Variants in GTF2F2 observed in about 807,000 individuals in gnomAD.
GTF2F2 encodes the protein ATP-dependent helicase GTF2F2.
In GTF2F2, 23 loss-of-function variants were observed where a neutral mutation model predicts 42.2. That is an observed-to-expected ratio of 0.55 (90% CI 0.39 to 0.77). GTF2F2 has a LOEUF of 0.77. Ranked by LOEUF, GTF2F2 falls within the 30% of genes least tolerant of loss-of-function variation. GTF2F2 has a pLI of 0.00. For synonymous variants in GTF2F2, 105 were observed against 100.8 expected (o/e 1.04, Z -0.25); for missense variants, 261 against 287.2 (o/e 0.91, Z 0.66).
chr13:45,230,221 A>T (rs1395914242), intron 5 of GTF2F2, among the ~76,000 whole-genome samples: 4 of 143,464 alleles, frequency 2.8e-5, no homozygotes, highest in Non-Finnish European at 4.5e-5. Flanking sequence ...ATCTCAAAAT[A>T]AAAAAAAAAA....
intron 5 of GTF2F2, among the ~76,000 whole-genome samples, chr13:45,214,057 G>A (rs1239975974): frequency 2.0e-5 from 3 of 151,668 alleles, no homozygotes; most frequent in African/African-American, 4.8e-5. Flanking sequence ...AGTTTTTACT[G>A]TATTATATTT....
At chr13:45,249,690 C>T (rs751006741) in intron 5 of GTF2F2, among the ~76,000 whole-genome samples, 6 of 152,166 alleles carry the variant, frequency 3.9e-5, no homozygotes, top group African/African-American at 1.2e-4. Context: ...GTGCATGCCT[C>T]CTTCCTTGGA....
At position 45,120,549 on chromosome 13, in the gene GTF2F2, C is replaced by G; in HGVS notation, c.-107C>G. 1 of 765,550 alleles carries G rather than the reference C, an allele frequency of 1.3e-6. No individual in the cohort carries two copies. Among genetic ancestry groups the G allele is most frequent in the South Asian group, 1.6e-5 (1 of 63,162 alleles). The allele number at this position is 765,550 out of a possible 1,614,324, so 47.4% of individuals were successfully genotyped here. ...TTCTGGCAGGTAAGGAACGCCGGCT[C>G]TTCGCCTCTCAGCGCGGCTTGTCCT... On this transcript the variant is annotated 5_prime_UTR_variant, in exon 1 of 8. Coordinates refer to ENST00000340473, the MANE Select transcript of GTF2F2 (RefSeq NM_004128.3).
chr13:45,154,351 T>A (rs1870650317), intron 4 of GTF2F2, among the ~76,000 whole-genome samples: 1 of 152,240 alleles, frequency 6.6e-6, no homozygotes. Flanking sequence ...TTAAAAATAC[T>A]TCAGTGTTGT....
intron 5 of GTF2F2, among the ~76,000 whole-genome samples, chr13:45,228,892 A>G (rs1299745298): frequency 6.6e-6 from 1 of 152,038 alleles, no homozygotes; most frequent in African/African-American, 2.4e-5. Flanking sequence ...TTGGTCTCGA[A>G]CTTCCAGCCT....
At chr13:45,136,010 C>T (rs967776372) in intron 1 of GTF2F2, among the ~76,000 whole-genome samples, 4 of 152,174 alleles carry the variant, frequency 2.6e-5, no homozygotes, top group African/African-American at 9.7e-5. Flanking sequence ...TGCATGTATC[C>T]AGTTACAACA....
intron 6 of GTF2F2, among the ~76,000 whole-genome samples, chr13:45,255,059 C>T (rs1270069674): frequency 6.8e-6 from 1 of 147,986 alleles, no homozygotes; most frequent in African/African-American, 2.5e-5. Context: ...TCCAGCCACT[C>T]GGGAGGTGAG....
intron 7 of GTF2F2, among the ~76,000 whole-genome samples, chr13:45,279,024 A>G (rs551989023): frequency 5.9e-5 from 9 of 151,904 alleles, no homozygotes; most frequent in Admixed American, 4.6e-4. Flanking sequence ...AGGTTTCTCC[A>G]TGTTGGCCGG....
chr13:45,180,148 A>G (rs916885696), intron 4 of GTF2F2, among the ~76,000 whole-genome samples: 5 of 152,204 alleles, frequency 3.3e-5, no homozygotes, highest in South Asian at 2.1e-4. Flanking sequence ...AAAGACTAAC[A>G]TTCCACAACT....
At chr13:45,242,842 T>C (rs984544428) in intron 5 of GTF2F2, among the ~76,000 whole-genome samples, 5 of 152,172 alleles carry the variant, frequency 3.3e-5, no homozygotes, top group Non-Finnish European at 7.4e-5. Context: ...AAATGGAGGA[T>C]TTATTGACTA....
At chr13:45,228,457 C>G (rs527549756) in intron 5 of GTF2F2, among the ~76,000 whole-genome samples, 1 of 147,504 alleles carries the variant, frequency 6.8e-6, no homozygotes, top group East Asian at 2.0e-4. Context: ...TTTCATTTCT[C>G]GAGCAGTACC....
chr13:45,152,134 C>G (rs1870533171), intron 4 of GTF2F2, among the ~76,000 whole-genome samples: 2 of 152,092 alleles, frequency 1.3e-5, no homozygotes, highest in African/African-American at 4.8e-5. Flanking sequence ...AGGCTGGTCT[C>G]TAACTCCCTA....
chr13:45,125,307 T>G (rs372816582), intron 1 of GTF2F2, among the ~76,000 whole-genome samples: 5 of 152,054 alleles, frequency 3.3e-5, no homozygotes, highest in East Asian at 1.9e-4. Flanking sequence ...CTCTCTGTTT[T>G]TTTTTGTTTT....
intron 7 of GTF2F2, among the ~76,000 whole-genome samples, chr13:45,269,025 A>G (rs535233136): frequency 6.6e-6 from 1 of 152,322 alleles, no homozygotes; most frequent in South Asian, 2.1e-4. Context: ...GCAAAAATGT[A>G]TGAATTGTTC....
At chr13:45,182,167 T>A (rs1872195444) in intron 4 of GTF2F2, among the ~76,000 whole-genome samples, 1 of 152,168 alleles carries the variant, frequency 6.6e-6, no homozygotes, top group Non-Finnish European at 1.5e-5. Context: ...TTTATTTGTT[T>A]GTTGAGACAG....
intron 5 of GTF2F2, among the ~76,000 whole-genome samples, chr13:45,230,131 G>A (rs1441149311): frequency 2.0e-5 from 3 of 151,940 alleles, no homozygotes; most frequent in African/African-American, 4.8e-5. Flanking sequence ...AAGGAGAATC[G>A]TTTAAACCCA....
intron 2 of GTF2F2, 53 bp downstream of exon 2, chr13:45,136,859 A>G: frequency 3.1e-6 from 3 of 954,120 alleles, no homozygotes; most frequent in Middle Eastern, 2.3e-4. Flanking sequence ...TGAAATTTTT[A>G]TAAGTGCTTT....
In GTF2F2 at chr13:45,245,666, AATATATATATATATAT is replaced by A. The variant is rs372488927; in HGVS notation, c.387-7185_387-7170del. Among the ~76,000 whole-genome samples the A allele has an allele frequency of 5.6e-3, 626 of 110,860 alleles. 8 individuals are homozygous for A. The highest frequency in any genetic ancestry group is 0.023 in the African/African-American group (586 of 25,806). The allele number at this position is 110,860 out of a possible 152,430, so 72.7% of individuals were successfully genotyped here. A position where few individuals can be genotyped will look rare whatever the true frequency, so the allele number is the denominator to read the frequency against. On this transcript the variant is annotated intron_variant, in intron 5 of 7. Transcript: ENST00000340473. ...TGGCTGAGTAGTATTCCATGGTGTG[AATATATATATATATAT>A]ATATATATATATATATATACATATA...
At chr13:45,232,504 A>G (rs1297339334) in intron 5 of GTF2F2, among the ~76,000 whole-genome samples, 1 of 151,918 alleles carries the variant, frequency 6.6e-6, no homozygotes, top group Non-Finnish European at 1.5e-5. Flanking sequence ...GTGTGGTGGC[A>G]TGTACCTATA....
Sources: gnomAD v4.1 joint callset for allele counts (sites outside exome capture counted in the v4.1 genomes callset) on GRCh38, gnomAD v4.1.1 for gene constraint, MANE v1.5 for transcripts, NCBI Gene and HGNC (gene_info 2026-07-23, HGNC 2026-07-21) for gene names.